The following SPAG17 variants were observed in gnomAD, a reference collection of about 807,000 sequenced individuals.
SPAG17 encodes the protein sperm associated antigen 17, also known as sperm-associated antigen 17.
A neutral mutation model predicts 273.6 loss-of-function variants in SPAG17; 169 were observed. The observed-to-expected ratio is 0.62, with a 90% confidence interval of 0.55 to 0.70. The LOEUF is 0.70. Ranked by LOEUF, SPAG17 falls within the 30% of genes least tolerant of loss-of-function variation. The pLI is 0.00. For missense variants in SPAG17, 2,557 were observed against 2,627.8 expected (o/e 0.97, Z 0.59); for synonymous variants, 825 against 873.2 (o/e 0.94, Z 0.97).
At chr1:118,171,730 A>G (rs552597713) in intron 1 of SPAG17, among the ~76,000 whole-genome samples, 2 of 152,338 alleles carry the variant, frequency 1.3e-5, no homozygotes, top group South Asian at 2.1e-4. Flanking sequence ...TACTCTAATA[A>G]TATCTACCTC....
chr1:118,082,228 A>G (rs1452795951), intron 13 of SPAG17, among the ~76,000 whole-genome samples: 1 of 152,146 alleles, frequency 6.6e-6, no homozygotes, highest in Non-Finnish European at 1.5e-5. Flanking sequence ...TTCATTGGTT[A>G]TTATTTTCTA....
rs776160968 is a variant in SPAG17, at chr1:118,005,503, G to A, written c.4687C>T (p.Arg1563Cys). Residue 1563 changes from arginine to cysteine, a missense_variant, in exon 32 of 49, where the codon CGT (arginine) becomes TGT (cysteine). By Grantham distance (180) the Arg-to-Cys change is radical (BLOSUM62 -3). Coordinates refer to ENST00000336338, the MANE Select transcript of SPAG17 (RefSeq NM_206996.4). ...SSNIYYPFQK[R>C]EQLRAGRYIM... Reference sequence around the variant, plus strand: ...TACCTGCCAGCTCGCAGCTGCTCACGCTTTTGAAAAGGATAGTATATATTA... The same window carrying A: ...TACCTGCCAGCTCGCAGCTGCTCACACTTTTGAAAAGGATAGTATATATTA... The A allele has an allele frequency of 3.0e-5, 48 of 1,613,384 alleles. No homozygotes were observed. Among genetic ancestry groups the A allele is most frequent in the Middle Eastern group, 3.3e-4 (2 of 6,082 alleles).
intron 19 of SPAG17, among the ~76,000 whole-genome samples, chr1:118,054,685 C>T (rs1383895718): frequency 6.6e-6 from 1 of 151,934 alleles, no homozygotes; most frequent in Admixed American, 6.6e-5. Flanking sequence ...GAGGGCAGCC[C>T]TACCCATTTT....
chr1:118,013,191 G>A (rs1659643984), intron 29 of SPAG17, among the ~76,000 whole-genome samples: 1 of 152,144 alleles, frequency 6.6e-6, no homozygotes, highest in Admixed American at 6.5e-5. Context: ...CAATCATTGG[G>A]CATTTTCTAA....
intron 29 of SPAG17, among the ~76,000 whole-genome samples, chr1:118,012,747 C>T (rs372497170): frequency 5.6e-4 from 86 of 152,308 alleles, no homozygotes; most frequent in African/African-American, 1.9e-3. Context: ...ATTGTGGCTG[C>T]CTTGTGTGCT....
rs1256799940 is a variant in SPAG17, at chr1:118,054,082, T to A, written c.2734A>T (p.Ile912Phe). The A allele has an allele frequency of 1.2e-6, 2 of 1,600,524 alleles. No homozygotes were observed. The highest frequency in any genetic ancestry group is 1.7e-5 in the Admixed American group (1 of 59,526). Residue 912 changes from isoleucine to phenylalanine, a missense_variant, in exon 20 of 49, where the codon ATC becomes TTC. Transcript: ENST00000336338. The stretch of plus-strand genomic sequence containing the variant: ...TGATCTGATATCTCTGTTTTGCTGA[T>A]TCCTTTGTTACCTATAATCAGATAA... ...SIKESKSNKGISKTEISDQEK... is the reference protein window; with the variant it reads ...SIKESKSNKGFSKTEISDQEK...
At chr1:118,094,853 T>C (rs1053498404) in intron 7 of SPAG17, among the ~76,000 whole-genome samples, 10 of 152,270 alleles carry the variant, frequency 6.6e-5, no homozygotes, top group Admixed American at 5.9e-4. Flanking sequence ...ATTACTACAG[T>C]TGGACCCAGA....
intron 31 of SPAG17, among the ~76,000 whole-genome samples, chr1:118,006,292 A>G (rs1013594552): frequency 2.0e-5 from 3 of 152,200 alleles, no homozygotes; most frequent in Non-Finnish European, 4.4e-5. Context: ...GCAGCCACTA[A>G]TCTACTGTCT....
At chr1:118,087,605 A>G (rs1022311882) in intron 10 of SPAG17, among the ~76,000 whole-genome samples, 1 of 152,242 alleles carries the variant, frequency 6.6e-6, no homozygotes, top group Non-Finnish European at 1.5e-5. Context: ...TTAGATTATG[A>G]GATCAGTAAA....
chr1:118,008,294 G>A, intron 30 of SPAG17, 96 bp from the exon 31 acceptor site: 4 of 1,411,832 alleles, frequency 2.8e-6, no homozygotes, highest in East Asian at 2.5e-5. Context: ...CTGGCTGTCT[G>A]GATTCCCCAT....
intron 47 of SPAG17, chr1:117,966,157 CTATTT>C (rs1485718561): frequency 3.9e-5 from 6 of 152,528 alleles, no homozygotes; most frequent in South Asian, 2.1e-4. Flanking sequence ...ATATGATAAA[CTATTT>C]TATACAGTAC....
At chr1:118,144,911 C>T (rs899287730) in intron 3 of SPAG17, among the ~76,000 whole-genome samples, 3 of 152,204 alleles carry the variant, frequency 2.0e-5, no homozygotes, top group African/African-American at 7.2e-5. Context: ...GTTTTTAATA[C>T]TTTTCCTACA....
At chr1:118,016,284 T>C (rs1659971038) in intron 28 of SPAG17, 102 bp from the exon 29 acceptor site, 1 of 852,484 alleles carries the variant, frequency 1.2e-6, no homozygotes, top group Non-Finnish European at 1.9e-6. Context: ...CCTCAGATAC[T>C]GTGGCATAGA....
At chr1:118,009,149 G>T (rs777748127) in intron 30 of SPAG17, among the ~76,000 whole-genome samples, 3 of 151,504 alleles carry the variant, frequency 2.0e-5, no homozygotes, top group Non-Finnish European at 2.9e-5. Flanking sequence ...TATGTAAGAT[G>T]AATAAGTATA....
chr1:118,133,973 C>T (rs1181896926), intron 3 of SPAG17, among the ~76,000 whole-genome samples: 7 of 152,144 alleles, frequency 4.6e-5, no homozygotes, highest in Admixed American at 6.5e-5. Context: ...AATGTTCAAC[C>T]TTATAATTTT....
At chr1:117,957,014 A>G (rs1652295435) in intron 48 of SPAG17, 1 of 1,436,320 alleles carries the variant, frequency 7.0e-7, no homozygotes, top group African/African-American at 1.4e-5. Context: ...AAAATTGACC[A>G]TGTTAACAAC....
Position 118,055,775 on chromosome 1 carries a change from G to A in SPAG17, c.2680C>T (p.Leu894Phe). The part of the protein sequence containing the change: ...LELKSSANAK[L>F]TSASKIFSIK... ...GAAAAAATTTTGCTAGCAGAAGTAA[G>A]TTTGGCATTAGCAGAAGATTTCAAT... Residue 894 changes from leucine to phenylalanine, a missense_variant, in exon 19 of 49, where the codon CTT becomes TTT. Physicochemically the swap from Leu to Phe is conservative, Grantham distance 22. Coordinates refer to ENST00000336338, the MANE Select transcript of SPAG17 (RefSeq NM_206996.4). The A allele has an allele frequency of 1.2e-6, 2 of 1,612,768 alleles. No homozygotes were observed. Among genetic ancestry groups the A allele is most frequent in the Non-Finnish European group, 1.7e-6 (2 of 1,179,588 alleles).
intron 12 of SPAG17, 56 bp from the exon 13 acceptor site, chr1:118,086,128 A>G: frequency 6.6e-7 from 1 of 1,503,992 alleles, no homozygotes; most frequent in East Asian, 2.3e-5. Context: ...TAAGTGCCTT[A>G]TGCATATGGA....
At chr1:118,127,934 CA>C in intron 3 of SPAG17, among the ~76,000 whole-genome samples, 1 of 152,094 alleles carries the variant, frequency 6.6e-6, no homozygotes, top group African/African-American at 2.4e-5. Flanking sequence ...CAATCCTGGC[CA>C]ACATGGTGAA....
Sources: allele counts gnomAD v4.1 joint callset (sites outside exome capture counted in the v4.1 genomes callset), GRCh38; gene constraint gnomAD v4.1.1; transcripts MANE v1.5; gene names NCBI Gene and HGNC (gene_info 2026-07-23, HGNC 2026-07-21).